The following CNTN4 variants were observed in gnomAD, a reference collection of about 807,000 sequenced individuals.
The protein encoded by CNTN4 is contactin-4.
In CNTN4, 77 loss-of-function variants were observed where a neutral mutation model predicts 122.5. That is an observed-to-expected ratio of 0.63 (90% confidence interval 0.52 to 0.76). The LOEUF (loss-of-function observed/expected upper bound fraction) is 0.76, where lower values mean the gene tolerates loss of function less well. Among genes scored for constraint, CNTN4 ranks in the 30% least tolerant of loss-of-function variants. CNTN4 has a pLI of 0.00. For synonymous variants in CNTN4, 512 were observed against 447.0 expected (o/e 1.15, Z -1.83); for missense variants, 1,256 against 1,259.1 (o/e 1.00, Z 0.04).
intron 2 of CNTN4, among the ~76,000 whole-genome samples, chr3:2,253,323 C>G (rs1353517661): frequency 6.6e-6 from 1 of 152,048 alleles, no homozygotes. Context: ...ATAAAAGTAG[C>G]CTTATAGCCT....
At chr3:2,464,515 CAGAG>C (rs1368824409) in intron 3 of CNTN4, among the ~76,000 whole-genome samples, 1 of 152,120 alleles carries the variant, frequency 6.6e-6, no homozygotes, top group Non-Finnish European at 1.5e-5. Flanking sequence ...GATGGGGAAA[CAGAG>C]GGAGGAAGAG....
intron 6 of CNTN4, among the ~76,000 whole-genome samples, chr3:2,814,504 C>A (rs2092684461): frequency 6.6e-6 from 1 of 152,174 alleles, no homozygotes; most frequent in Non-Finnish European, 1.5e-5. Context: ...GAGTGCCCAA[C>A]CACAAAGAAA....
intron 4 of CNTN4, among the ~76,000 whole-genome samples, chr3:2,704,014 T>G (rs1342321330): frequency 6.6e-6 from 1 of 152,028 alleles, no homozygotes; most frequent in East Asian, 1.9e-4. Flanking sequence ...TGATCTGGGC[T>G]AGGCATGGTG....
rs468314 is a variant in CNTN4, at chr3:3,042,759, A to T, written c.2512-218A>T. 67,739 of 605,162 alleles carry T rather than the reference A, an allele frequency of 0.11. 5,658 individuals are homozygous for T. The highest frequency in any genetic ancestry group is 0.33 in the African/African-American group (18,051 of 53,890). The allele number at this position is 605,162 out of a possible 1,614,324, so 37.5% of individuals were successfully genotyped here. On this transcript the variant is annotated intron_variant, in intron 21 of 24. Coordinates refer to ENST00000418658, the MANE Select transcript of CNTN4 (RefSeq NM_175607.3). ...AAAATAATGAACGACGGTTGTGTCA[A>T]TGTACCGTCTCACTAGGAAGCTAAG...
At chr3:2,527,760 C>T (rs2077452298) in intron 3 of CNTN4, among the ~76,000 whole-genome samples, 1 of 151,908 alleles carries the variant, frequency 6.6e-6, no homozygotes, top group East Asian at 1.9e-4. Flanking sequence ...GCTAGTTGCC[C>T]CTAGATGTCT....
rs567729804 is a variant in CNTN4 at position 2,261,768 on chromosome 3, C to T, written c.-144-77410C>T. ...TTAGATGTGGAATTTTCAGACAGAA[C>T]TGTTTACCTTGAGAATGGCTGGGCA... On this transcript the variant is annotated intron_variant, in intron 2 of 24. Coordinates refer to ENST00000418658, the MANE Select transcript of CNTN4 (RefSeq NM_175607.3). 8.5e-5 allele frequency among the ~76,000 whole-genome samples: 13 copies of T among 152,278 alleles called. No homozygotes were observed. The South Asian group carries it at 2.7e-3, about 32-fold the overall frequency.
chr3:2,115,463 T>C lies in CNTN4; in HGVS notation c.-145+14824T>C, dbSNP rs944700527. 8.5e-5 allele frequency among the ~76,000 whole-genome samples: 13 copies of C among 152,204 alleles called. No homozygotes were observed. In the South Asian group the frequency reaches 2.7e-3, roughly 31 times the overall value. Reference sequence around the variant, plus strand: ...ATGGAGGTTCTTCCAGGTAACCCTGTTTATCCTCTTAGCTTTCTGTTAGGG... The same window carrying C: ...ATGGAGGTTCTTCCAGGTAACCCTGCTTATCCTCTTAGCTTTCTGTTAGGG... On this transcript the variant is annotated intron_variant, in intron 2 of 24. Transcript: ENST00000418658.
Position 2,634,339 on chromosome 3 carries a change from T to A in CNTN4, c.55+62781T>A, listed in dbSNP as rs376331890. On this transcript the variant is annotated intron_variant, in intron 4 of 24. Coordinates refer to ENST00000418658, the MANE Select transcript of CNTN4 (RefSeq NM_175607.3). ...AAATTTTCTTAAGTAGCAGAAAATA[T>A]TTGTGTATGCGGCAATATTTGTTTA... is the stretch of plus-strand genomic sequence containing the variant. Among the ~76,000 whole-genome samples, 6 of 152,152 alleles carry A rather than the reference T, an allele frequency of 3.9e-5. No homozygotes were observed. In the East Asian group the frequency reaches 7.7e-4, roughly 20 times the overall value.
intron 4 of CNTN4, among the ~76,000 whole-genome samples, chr3:2,663,262 G>T (rs531675610): frequency 1.3e-5 from 2 of 152,236 alleles, no homozygotes; most frequent in African/African-American, 4.8e-5. Context: ...GAGATTAATG[G>T]TATATAATAG....
intron 3 of CNTN4, among the ~76,000 whole-genome samples, chr3:2,536,352 A>C (rs942057287): frequency 3.3e-5 from 5 of 152,140 alleles, no homozygotes; most frequent in African/African-American, 1.2e-4. Flanking sequence ...TAGAACTGAA[A>C]TCATCATTGT....
At chr3:2,900,584 A>G in intron 10 of CNTN4, 101 bp from the exon 11 acceptor site, 1 of 1,322,934 alleles carries the variant, frequency 7.6e-7, no homozygotes, top group Admixed American at 1.7e-5. Flanking sequence ...TGGAAAAGGA[A>G]TTTTATTATA....
At chr3:3,050,850 G>A (rs927187307) in intron 23 of CNTN4, among the ~76,000 whole-genome samples, 1 of 151,104 alleles carries the variant, frequency 6.6e-6, no homozygotes, top group African/African-American at 2.4e-5. Flanking sequence ...TCATGAGACC[G>A]GGCAATTGCT....
At chr3:2,515,636 C>T (rs1181574324) in intron 3 of CNTN4, among the ~76,000 whole-genome samples, 1 of 151,866 alleles carries the variant, frequency 6.6e-6, no homozygotes, top group African/African-American at 2.4e-5. Context: ...CTTAGGATTG[C>T]TTATCACTAG....
intron 6 of CNTN4, among the ~76,000 whole-genome samples, chr3:2,751,046 A>G (rs1167928264): frequency 1.3e-5 from 2 of 152,160 alleles, no homozygotes; most frequent in African/African-American, 4.8e-5. Context: ...TCATGCCTAT[A>G]ATTCCAGCCC....
intron 6 of CNTN4, among the ~76,000 whole-genome samples, chr3:2,778,712 C>A (rs1346698487): frequency 6.6e-6 from 1 of 152,068 alleles, no homozygotes; most frequent in Non-Finnish European, 1.5e-5. Context: ...CATGAAATAA[C>A]CAATTCAGTG....
At chr3:2,215,302 A>G (rs1288949477) in intron 2 of CNTN4, among the ~76,000 whole-genome samples, 2 of 152,186 alleles carry the variant, frequency 1.3e-5, no homozygotes, top group Non-Finnish European at 2.9e-5. Flanking sequence ...TATGATCAAC[A>G]TGGATTCTAG....
intron 4 of CNTN4, among the ~76,000 whole-genome samples, chr3:2,656,875 G>A (rs2083614105): frequency 6.6e-6 from 1 of 152,132 alleles, no homozygotes; most frequent in Non-Finnish European, 1.5e-5. Context: ...CATCTAAGTG[G>A]TTTGCCTCAG....
chr3:2,785,912 C>T (rs994583459), intron 6 of CNTN4, among the ~76,000 whole-genome samples: 1 of 136,120 alleles, frequency 7.3e-6, no homozygotes, highest in Non-Finnish European at 1.6e-5. Flanking sequence ...CCCGCCCCCC[C>T]ATCCTGTACC....
intron 5 of CNTN4, among the ~76,000 whole-genome samples, chr3:2,737,306 C>T (rs1273478888): frequency 1.3e-5 from 2 of 152,136 alleles, no homozygotes; most frequent in Non-Finnish European, 2.9e-5. Flanking sequence ...GTCTCGTATT[C>T]CTGACCTCAA....
Sources: gnomAD v4.1 joint callset for allele counts (sites outside exome capture counted in the v4.1 genomes callset) on GRCh38, gnomAD v4.1.1 for gene constraint, MANE v1.5 for transcripts, NCBI Gene and HGNC (gene_info 2026-07-23, HGNC 2026-07-21) for gene names.